The following REXO5 variants were observed in gnomAD, a reference collection of about 807,000 sequenced individuals.
REXO5 encodes exonuclease NEF-sp.
A neutral mutation model predicts 88.5 loss-of-function variants in REXO5; 48 were observed. The ratio of observed to expected loss-of-function variants is 0.54; its 90% CI spans 0.43 to 0.69. The LOEUF (loss-of-function observed/expected upper bound fraction) is 0.69, where lower values mean the gene tolerates loss of function less well. Ranked by LOEUF, REXO5 falls within the 30% of genes least tolerant of loss-of-function variation. The pLI is 0.00. For missense variants in REXO5, 749 were observed against 912.2 expected, an observed-to-expected ratio of 0.82 and a Z score of 2.30; for synonymous variants, 311 against 336.5, an observed-to-expected ratio of 0.92 and a Z score of 0.83.
Position 20,827,411 on chromosome 16 carries a change from G to A in REXO5, c.1019G>A (p.Arg340Lys), listed in dbSNP as rs371377608. Residue 340 changes from arginine (R) to lysine (K), a missense_variant, in exon 10 of 20, where the codon AGA becomes AAA. Physicochemically the swap from Arg to Lys is conservative, Grantham distance 26. Coordinates refer to ENST00000261377, the MANE Select transcript of REXO5 (RefSeq NM_030941.3). ...SLLYVREQGR[R>K]FKLKFLAKVI... ...CTTTATGTCAGAGAGCAGGGCAGAA[G>A]ATTTAAGCTCAAGTTCTTAGCCAAA... 1.3e-5 allele frequency: 21 copies of A among 1,613,910 alleles called. No individual in the cohort carries two copies. The East Asian group carries it at 4.0e-4, about 31-fold the overall frequency.
In REXO5 at chr16:20,844,764, C is replaced by A. The variant is rs2081581546; in HGVS notation, c.1855C>A (p.Pro619Thr). ...ETFKEQLLQE[P>T]RLFLGLEAVI... ...CTTCAAAGAACAGCTATTGCAGGAGCCCCGCCTCTTTCTTGGCCTGGAAGC... is the reference window on the plus strand; with the variant it reads ...CTTCAAAGAACAGCTATTGCAGGAGACCCGCCTCTTTCTTGGCCTGGAAGC... Residue 619 changes from proline (P) to threonine (T), a missense_variant, in exon 17 of 20, where the codon CCC (proline) becomes ACC (threonine). Physicochemically the swap from Pro to Thr is conservative, Grantham distance 38. Transcript: ENST00000261377. 1 of 1,614,148 alleles carries A rather than the reference C, an allele frequency of 6.2e-7. No individual in the cohort carries two copies. Among genetic ancestry groups the A allele is most frequent in the Non-Finnish European group, 8.5e-7 (1 of 1,180,018 alleles).
At chr16:20,839,435 G>T (rs956675919) in intron 13 of REXO5, among the ~76,000 whole-genome samples, 1 of 151,528 alleles carries the variant, frequency 6.6e-6, no homozygotes, top group Non-Finnish European at 1.5e-5. Flanking sequence ...TCACAGGCTT[G>T]CAGCAGTTTA....
At chr16:20,810,688 G>A (rs1396663199) in intron 2 of REXO5, among the ~76,000 whole-genome samples, 1 of 152,042 alleles carries the variant, frequency 6.6e-6, no homozygotes, top group Admixed American at 6.6e-5. Flanking sequence ...GAACCACCGC[G>A]CCCAGTCCAT....
rs745552418 is a variant in REXO5, at chr16:20,824,531, C to T, written c.705+4C>T. On this transcript the variant is annotated splice_donor_region_variant and intron_variant, in intron 7 of 19. Coordinates refer to ENST00000261377, the MANE Select transcript of REXO5 (RefSeq NM_030941.3). ...CTTTGGACTTGACTGTGAAATGGCA[C>T]GTACTACTTTTAATTTTTCAATTGG... is the stretch of plus-strand genomic sequence containing the variant. 46 of 1,576,182 alleles carry T rather than the reference C, an allele frequency of 2.9e-5. No individual in the cohort carries two copies. The highest frequency in any genetic ancestry group is 1.5e-4 in the Admixed American group (9 of 59,454).
At chr16:20,843,911 A>C in intron 15 of REXO5, 23 bp from the exon 16 acceptor site, 1 of 1,536,740 alleles carries the variant, frequency 6.5e-7, no homozygotes, top group Non-Finnish European at 9.0e-7. Context: ...AGCAATGATG[A>C]GGAAATCTTG....
In REXO5 at chr16:20,847,042, G is replaced by A. The variant is rs1012239537; in HGVS notation, c.2243+703G>A. The stretch of plus-strand genomic sequence containing the variant: ...AAATGAATGAGTGTATATTGGGGAA[G>A]GGAGGGAAAGATGGTGGCTTTTTTG... On this transcript the variant is annotated intron_variant, in intron 19 of 19. Transcript: ENST00000261377. Among the ~76,000 whole-genome samples the A allele has an allele frequency of 2.6e-5, 4 of 152,186 alleles. No individual in the cohort carries two copies. In the East Asian group the frequency reaches 5.8e-4, roughly 22 times the overall value.
At chr16:20,813,164 T>TAGC in intron 2 of REXO5, 26 bp from the exon 3 acceptor site, 1 of 1,456,584 alleles carries the variant, frequency 6.9e-7, no homozygotes, top group Non-Finnish European at 9.6e-7. Flanking sequence ...AATAATGGCT[T>TAGC]GCTACGCCCT....
chr16:20,846,828 C>T (rs2081614392), intron 19 of REXO5, among the ~76,000 whole-genome samples: 1 of 152,214 alleles, frequency 6.6e-6, no homozygotes, highest in African/African-American at 2.4e-5. Flanking sequence ...TATCACCTAT[C>T]TCCTCTGACA....
intron 3 of REXO5, 99 bp downstream of exon 3, chr16:20,813,401 C>G (rs1409307329): frequency 1.4e-6 from 1 of 696,794 alleles, no homozygotes. Context: ...CCAGAGGTTT[C>G]AAACTGGCTT....
chr16:20,828,466 C>A lies in REXO5; in HGVS notation c.1087C>A (p.His363Asn). Reference sequence around the variant, plus strand: ...TATACAGTGTCCAGACAGACTTGGTCATGATGCCACAGAAGATGCTAGAAC... The same window carrying A: ...TATACAGTGTCCAGACAGACTTGGTAATGATGCCACAGAAGATGCTAGAAC... Reference protein sequence around the residue: ...KDIQCPDRLGHDATEDARTIL... With the variant: ...KDIQCPDRLGNDATEDARTIL... Residue 363 changes from histidine (H) to asparagine (N), a missense_variant, in exon 11 of 20, where the codon CAT becomes AAT. Transcript: ENST00000261377. 1.9e-6 allele frequency: 3 copies of A among 1,613,738 alleles called. No individual in the cohort carries two copies. The highest frequency in any genetic ancestry group is 2.5e-6 in the Non-Finnish European group (3 of 1,179,734).
rs532952609 is a variant in REXO5 at position 20,834,380 on chromosome 16, C to T, written c.1383+1257C>T. ...GGTTGAGGCTGCAGTGAACTATGATCGCACCACTACACTCCAGCCTGGGAT... is the reference window on the plus strand; with the variant it reads ...GGTTGAGGCTGCAGTGAACTATGATTGCACCACTACACTCCAGCCTGGGAT... On this transcript the variant is annotated intron_variant, in intron 13 of 19. Coordinates refer to ENST00000261377, the MANE Select transcript of REXO5 (RefSeq NM_030941.3). 5.3e-5 allele frequency among the ~76,000 whole-genome samples: 8 copies of T among 152,254 alleles called. No homozygotes were observed. In the South Asian group the frequency reaches 1.5e-3, roughly 28 times the overall value.
chr16:20,834,043 G>A (rs1248680943), intron 13 of REXO5, among the ~76,000 whole-genome samples: 1 of 151,860 alleles, frequency 6.6e-6, no homozygotes, highest in East Asian at 1.9e-4. Flanking sequence ...ACCTTTCTTT[G>A]TCTTTCATAA....
intron 2 of REXO5, among the ~76,000 whole-genome samples, chr16:20,807,585 GAAAAAAAAA>G (rs1013842567): frequency 4.0e-5 from 2 of 50,582 alleles, no homozygotes; most frequent in African/African-American, 1.5e-4. Context: ...TCACGTCTCA[GAAAAAAAAA>G]AAAAAAAAAA....
In REXO5 at chr16:20,840,374, C is replaced by T; in HGVS notation, c.1532C>T (p.Pro511Leu). 6.3e-7 allele frequency: 1 copy of T among 1,584,066 alleles called. No homozygotes were observed. Among genetic ancestry groups the T allele is most frequent in the Non-Finnish European group, 8.6e-7 (1 of 1,158,176 alleles). ...GAGATATCAACTGTCTATGCTGGGCCATTTAGCAAAAATTGCAATCTCAGG... is the reference window on the plus strand; with the variant it reads ...GAGATATCAACTGTCTATGCTGGGCTATTTAGCAAAAATTGCAATCTCAGG... Reference protein sequence around the residue: ...WTEISTVYAGPFSKNCNLRAL... With the variant: ...WTEISTVYAGLFSKNCNLRAL... The change falls in exon 15 of 20, where the codon CCA (proline) becomes CTA (leucine). Residue 511 changes from proline (P) to leucine (L), a missense_variant. By Grantham distance (98) the Pro-to-Leu change is moderately conservative. Coordinates refer to ENST00000261377, the MANE Select transcript of REXO5 (RefSeq NM_030941.3).
At chr16:20,830,821 G>C (rs1026690384) in intron 11 of REXO5, among the ~76,000 whole-genome samples, 3 of 152,024 alleles carry the variant, frequency 2.0e-5, no homozygotes, top group African/African-American at 7.3e-5. Context: ...GAAACAACAA[G>C]GTGCAACAGG....
chr16:20,813,590 C>G (rs1409592516), intron 3 of REXO5, among the ~76,000 whole-genome samples: 21 of 151,964 alleles, frequency 1.4e-4, no homozygotes, highest in Admixed American at 1.4e-3. Flanking sequence ...GGTGGTCTCC[C>G]CCTTTATATG....
In REXO5 at chr16:20,815,997, A is replaced by G. The variant is rs757172914; in HGVS notation, c.379-119A>G. The G allele has an allele frequency of 5.4e-4, 403 of 750,518 alleles. 1 individual carries two copies. The highest frequency in any genetic ancestry group is 6.4e-4 in the Non-Finnish European group (291 of 453,800). The allele number at this position is 750,518 out of a possible 1,614,324, so 46.5% of individuals were successfully genotyped here. A position where few individuals can be genotyped will look rare whatever the true frequency, so the allele number is the denominator to read the frequency against. On this transcript the variant is annotated intron_variant, in intron 4 of 19. Coordinates refer to ENST00000261377, the MANE Select transcript of REXO5 (RefSeq NM_030941.3). ...TTAAGGAAACAGTTCTTATTTTAAA[A>G]TGCTAACAATTACTGTCTAGAACTT...
At chr16:20,825,974 T>G in intron 8 of REXO5, 26 bp downstream of exon 8, 13 of 1,452,580 alleles carry the variant, frequency 8.9e-6, no homozygotes, top group Non-Finnish European at 1.3e-5. Flanking sequence ...CCTGCAGCTC[T>G]TCTAAGAGCT....
intron 6 of REXO5, 124 bp from the exon 7 acceptor site, chr16:20,824,315 A>G: frequency 1.7e-6 from 1 of 588,322 alleles, no homozygotes; most frequent in Admixed American, 3.1e-5. Context: ...TTGTATTTCA[A>G]GTGTCTAACA....
Sources: allele counts gnomAD v4.1 joint callset (sites outside exome capture counted in the v4.1 genomes callset), GRCh38; gene constraint gnomAD v4.1.1; transcripts MANE v1.5; gene names NCBI Gene and HGNC (gene_info 2026-07-23, HGNC 2026-07-21).